Variants in CNIH1 observed in about 807,000 individuals in gnomAD.
CNIH1 encodes the protein protein cornichon homolog 1.
CNIH1 carries 12 observed loss-of-function variants against 20.2 expected under a neutral mutation model. The ratio of observed to expected loss-of-function variants is 0.59; its 90% CI spans 0.38 to 0.96. The LOEUF (loss-of-function observed/expected upper bound fraction) is 0.96. Among genes scored for constraint, CNIH1 ranks in the 40% least tolerant of loss-of-function variants. The pLI, the probability that CNIH1 is intolerant of heterozygous loss-of-function variation, is 0.00. For synonymous variants in CNIH1, 69 were observed against 63.3 expected (o/e 1.09, Z -0.43); for missense variants, 152 against 178.8 (o/e 0.85, Z 0.85).
intron 1 of CNIH1, among the ~76,000 whole-genome samples, chr14:54,439,552 CTTT>C (rs534454023): frequency 2.7e-5 from 4 of 146,716 alleles, no homozygotes; most frequent in Non-Finnish European, 4.5e-5. Flanking sequence ...TTCTTTCTTT[CTTT>C]TTTTTTGTTT....
rs1437354310 is a variant in CNIH1 at position 54,433,484 on chromosome 14, CG to C, written c.151-1265del. On this transcript the variant is annotated intron_variant, in intron 2 of 4. Coordinates refer to ENST00000216416, the MANE Select transcript of CNIH1 (RefSeq NM_005776.3). The stretch of plus-strand genomic sequence containing the variant: ...GCAATACAATAACAAAGGATAAACT[CG>C]GCATATGTACCTAAACTTCTAAATA... Among the ~76,000 whole-genome samples the C allele has an allele frequency of 5.9e-5, 9 of 152,244 alleles. No homozygotes were observed. The South Asian group carries it at 1.7e-3, about 28-fold the overall frequency.
chr14:54,435,661 G>C (rs538362342), intron 2 of CNIH1, among the ~76,000 whole-genome samples: 23 of 152,252 alleles, frequency 1.5e-4, no homozygotes, highest in African/African-American at 5.3e-4. Context: ...AACATCAGCT[G>C]AAAGAATGAC....
chr14:54,438,829 T>C (rs2031108038), intron 1 of CNIH1, among the ~76,000 whole-genome samples: 1 of 152,182 alleles, frequency 6.6e-6, no homozygotes, highest in African/African-American at 2.4e-5. Context: ...TGGGAGCAGA[T>C]CCCTCATGAA....
intron 4 of CNIH1, among the ~76,000 whole-genome samples, chr14:54,428,064 G>A (rs79100399): frequency 0.018 from 2,732 of 152,176 alleles, 91 homozygotes; most frequent in African/African-American, 0.063. Context: ...TCCAATTTTA[G>A]CAAGTAGAAC....
At chr14:54,436,473 T>G in intron 1 of CNIH1, 36 bp from the exon 2 acceptor site, 1 of 1,187,348 alleles carries the variant, frequency 8.4e-7, no homozygotes, top group Middle Eastern at 1.9e-4. Flanking sequence ...ACCACTCACT[T>G]TAATTAAAAG....
chr14:54,439,860 A>G (rs568526435), intron 1 of CNIH1, among the ~76,000 whole-genome samples: 7 of 152,260 alleles, frequency 4.6e-5, no homozygotes, highest in Admixed American at 4.6e-4. Flanking sequence ...ATGGAACCAC[A>G]CATTTTCATC....
Position 54,426,546 on chromosome 14 carries a change from G to T in CNIH1, c.*1268C>A, listed in dbSNP as rs1323655595. ...CAAATAAAGCACAAGATTTATTTATGCTTATGAAAACATGCAAGCCATAAT... is the reference window on the plus strand; with the variant it reads ...CAAATAAAGCACAAGATTTATTTATTCTTATGAAAACATGCAAGCCATAAT... On this transcript the variant is annotated 3_prime_UTR_variant, in exon 5 of 5. Coordinates refer to ENST00000216416, the MANE Select transcript of CNIH1 (RefSeq NM_005776.3). The T allele has an allele frequency of 6.6e-6, 1 of 152,042 alleles. No homozygotes were observed. The highest frequency in any genetic ancestry group is 1.5e-5 in the Non-Finnish European group (1 of 67,988). 9.4% of individuals were successfully genotyped at this position (152,042 alleles called of 1,614,324 possible).
intron 2 of CNIH1, among the ~76,000 whole-genome samples, chr14:54,434,740 G>A (rs2031022018): frequency 6.6e-6 from 1 of 152,144 alleles, no homozygotes; most frequent in Non-Finnish European, 1.5e-5. Context: ...ATCAAAAGGG[G>A]AAATTTCAGT....
chr14:54,435,792 C>T (rs2031042915), intron 2 of CNIH1, among the ~76,000 whole-genome samples: 1 of 152,224 alleles, frequency 6.6e-6, no homozygotes, highest in Non-Finnish European at 1.5e-5. Flanking sequence ...ATCTCACCAT[C>T]TATTAGTCAT....
At chr14:54,439,749 A>G (rs1265209092) in intron 1 of CNIH1, among the ~76,000 whole-genome samples, 1 of 151,694 alleles carries the variant, frequency 6.6e-6, no homozygotes, top group East Asian at 1.9e-4. Context: ...ACGGGGTTTC[A>G]CCATGTTGGC....
intron 2 of CNIH1, chr14:54,436,066 A>G: frequency 1.4e-6 from 1 of 702,140 alleles, no homozygotes; most frequent in Non-Finnish European, 2.6e-6. Flanking sequence ...TTTAACTAAA[A>G]AGCAGTACAC....
chr14:54,439,171 T>G (rs895890590), intron 1 of CNIH1, among the ~76,000 whole-genome samples: 2 of 152,246 alleles, frequency 1.3e-5, no homozygotes, highest in African/African-American at 4.8e-5. Flanking sequence ...TAAGGTTATA[T>G]GGGTAATAGA....
At position 54,427,849 on chromosome 14, in the gene CNIH1, G is replaced by T. The variant is rs766844962; in HGVS notation, c.408-8C>A. On this transcript the variant is annotated splice_polypyrimidine_tract_variant and splice_region_variant and intron_variant, in intron 4 of 4. Coordinates refer to ENST00000216416, the MANE Select transcript of CNIH1 (RefSeq NM_005776.3). ...ACCAAAACATAGATCATGCTGAAAAGAAGAAAAAAGATGTTAATTTGAACA... is the reference window on the plus strand; with the variant it reads ...ACCAAAACATAGATCATGCTGAAAATAAGAAAAAAGATGTTAATTTGAACA... 1 of 1,612,144 alleles carries T rather than the reference G, an allele frequency of 6.2e-7. No homozygotes were observed. Among genetic ancestry groups the T allele is most frequent in the Non-Finnish European group, 8.5e-7 (1 of 1,179,172 alleles).
chr14:54,425,968 T>G lies in CNIH1; in HGVS notation c.*1846A>C, dbSNP rs929789979. 1 of 152,196 alleles carries G rather than the reference T, an allele frequency of 6.6e-6. No homozygotes were observed. The highest frequency in any genetic ancestry group is 2.4e-5 in the African/African-American group (1 of 41,442). The allele number at this position is 152,196 out of a possible 1,614,324, so 9.4% of individuals were successfully genotyped here. A position where few individuals can be genotyped will look rare whatever the true frequency, so the allele number is the denominator to read the frequency against. On this transcript the variant is annotated 3_prime_UTR_variant, in exon 5 of 5. Coordinates refer to ENST00000216416, the MANE Select transcript of CNIH1 (RefSeq NM_005776.3). Reference sequence around the variant, plus strand: ...ACAGCCCCAGGAAACCCATCTGGATTATAGAAGACTTGGCCAGGTCTTGCA... The same window carrying G: ...ACAGCCCCAGGAAACCCATCTGGATGATAGAAGACTTGGCCAGGTCTTGCA...
rs752664587 is a variant in CNIH1, at chr14:54,441,317, G to T, written c.11C>A (p.Thr4Lys). MAF[T>K]FAAFCYMLAL... is the part of the protein sequence containing the mutation. Reference sequence around the variant, plus strand: ...CAGCATGTAGCAGAAGGCCGCGAACGTGAACGCCATGGCTGGGGAGGAGGA... The same window carrying T: ...CAGCATGTAGCAGAAGGCCGCGAACTTGAACGCCATGGCTGGGGAGGAGGA... Residue 4 changes from threonine (T) to lysine (K), a missense_variant, in exon 1 of 5, where the codon ACG becomes AAG. Transcript: ENST00000216416. 3.3e-6 allele frequency: 5 copies of T among 1,513,122 alleles called. No homozygotes were observed. Among genetic ancestry groups the T allele is most frequent in the Non-Finnish European group, 4.4e-6 (5 of 1,126,248 alleles). The allele number at this position is 1,513,122 out of a possible 1,614,324, so 93.7% of individuals were successfully genotyped here. A position where few individuals can be genotyped will look rare whatever the true frequency, so the allele number is the denominator to read the frequency against.
rs756177374 is a variant in CNIH1 at position 54,427,205 on chromosome 14, A to G, written c.*609T>C. 4 of 152,236 alleles carry G rather than the reference A, an allele frequency of 2.6e-5. No homozygotes were observed. Among genetic ancestry groups the G allele is most frequent in the African/African-American group, 7.2e-5 (3 of 41,472 alleles). The allele number at this position is 152,236 out of a possible 1,614,324, so 9.4% of individuals were successfully genotyped here. A position where few individuals can be genotyped will look rare whatever the true frequency, so the allele number is the denominator to read the frequency against. On this transcript the variant is annotated 3_prime_UTR_variant, in exon 5 of 5. Coordinates refer to ENST00000216416, the MANE Select transcript of CNIH1 (RefSeq NM_005776.3). ...CTTATGCTTAAGAATTAAAGCAAGT[A>G]TATTTATTACTCTGATGGAAATATG...
Position 54,441,251 on chromosome 14 carries a change from CA to C in CNIH1, c.76del (p.Trp26GlyfsTer4). On this transcript the variant is annotated frameshift_variant, in exon 1 of 5. Coordinates refer to ENST00000216416, the MANE Select transcript of CNIH1 (RefSeq NM_005776.3). LOFTEE classifies it high-confidence loss of function. ...TCCCCAGCCCCAGCTACTCACGTGC[CA>C]AATGGCGAAGAAGATGAGCGCGGCA... The part of the protein sequence containing the change: ...LTAALIFFAI[W>X]HIIAFDELKT... The C allele has an allele frequency of 6.6e-7, 1 of 1,517,646 alleles. No individual in the cohort carries two copies. Among genetic ancestry groups the C allele is most frequent in the Non-Finnish European group, 8.8e-7 (1 of 1,130,658 alleles). The allele number at this position is 1,517,646 out of a possible 1,614,324, so 94.0% of individuals were successfully genotyped here.
chr14:54,435,278 T>A (rs1251041267), intron 2 of CNIH1, among the ~76,000 whole-genome samples: 1 of 152,120 alleles, frequency 6.6e-6, no homozygotes, highest in Admixed American at 6.5e-5. Context: ...TACCCTGGTG[T>A]GTGCCTGTAA....
intron 2 of CNIH1, 93 bp downstream of exon 2, chr14:54,436,276 T>C (rs568342357): frequency 8.7e-5 from 67 of 771,174 alleles, no homozygotes; most frequent in South Asian, 5.1e-4. Flanking sequence ...AAATATATTA[T>C]GCTACTCAGA....
Sources: gnomAD v4.1 joint callset for allele counts (sites outside exome capture counted in the v4.1 genomes callset) on GRCh38, gnomAD v4.1.1 for gene constraint, MANE v1.5 for transcripts, NCBI Gene and HGNC (gene_info 2026-07-23, HGNC 2026-07-21) for gene names.